SUPT3H: variants seen among roughly 807,000 people sequenced by gnomAD.
SUPT3H encodes transcription initiation protein SPT3 homolog.
SUPT3H carries 44 observed loss-of-function variants against 44.3 expected under a neutral mutation model. That is an observed-to-expected ratio of 0.99 (90% confidence interval 0.78 to 1.28). SUPT3H has a LOEUF of 1.28. Ranked by LOEUF, SUPT3H falls within the 50% of genes most tolerant of loss-of-function variation. The pLI is 0.00. For missense variants in SUPT3H, 380 were observed against 387.1 expected (o/e 0.98, Z 0.15); for synonymous variants, 124 against 125.6 (o/e 0.99, Z 0.09).
chr6:45,062,845 G>A (rs1182025308), intron 3 of SUPT3H, among the ~76,000 whole-genome samples: 1 of 152,084 alleles, frequency 6.6e-6, no homozygotes, highest in Non-Finnish European at 1.5e-5. Context: ...TAGCACAGCA[G>A]TCTGAGATCA....
At chr6:44,996,514 GCTCTGAGTGACCTTT>G (rs529752383) in intron 6 of SUPT3H, among the ~76,000 whole-genome samples, 207 of 151,706 alleles carry the variant, frequency 1.4e-3, no homozygotes, top group Non-Finnish European at 2.7e-3. Flanking sequence ...CCCAAACTGG[GCTCTGAGTGACCTTT>G]CAGAATATTT....
At chr6:45,289,350 A>T (rs945412636) in intron 2 of SUPT3H, among the ~76,000 whole-genome samples, 7 of 152,224 alleles carry the variant, frequency 4.6e-5, no homozygotes, top group African/African-American at 1.7e-4. Context: ...ACTGCTTCTC[A>T]CTCATTTTTG....
chr6:44,939,586 A>G (rs1413719549), intron 9 of SUPT3H, among the ~76,000 whole-genome samples: 3 of 152,040 alleles, frequency 2.0e-5, no homozygotes, highest in Non-Finnish European at 2.9e-5. Context: ...AGAATTATTT[A>G]TGGAGAATTC....
intron 2 of SUPT3H, among the ~76,000 whole-genome samples, chr6:45,203,775 T>C (rs1762774751): frequency 6.6e-6 from 1 of 152,198 alleles, no homozygotes; most frequent in Non-Finnish European, 1.5e-5. Flanking sequence ...AACCTATTTG[T>C]GCACTTTCTC....
Position 45,113,104 on chromosome 6 carries a change from G to GT in SUPT3H, c.102-7099dup, listed in dbSNP as rs11349771. ...GTAACTTGCTGTCCCCAAAAGAAAG[G>GT]TTTTTTTTTTTTCCGTTCAAAGCAT... On this transcript the variant is annotated intron_variant, in intron 2 of 10. Transcript: ENST00000371459. 6.0e-3 allele frequency among the ~76,000 whole-genome samples: 885 copies of GT among 148,252 alleles called. 2 individuals are homozygous for GT. Among genetic ancestry groups the GT allele is most frequent in the Non-Finnish European group, 7.5e-3 (500 of 66,726 alleles).
intron 2 of SUPT3H, among the ~76,000 whole-genome samples, chr6:45,194,745 GA>G (rs542882003): frequency 0.02 from 3,095 of 151,840 alleles, 43 homozygotes; most frequent in Non-Finnish European, 0.033. Flanking sequence ...CATTGCAATA[GA>G]AAAAAAATTA....
At chr6:45,360,000 T>C (rs1256359114) in intron 2 of SUPT3H, among the ~76,000 whole-genome samples, 1 of 152,222 alleles carries the variant, frequency 6.6e-6, no homozygotes, top group East Asian at 1.9e-4. Context: ...TGAAAAAACA[T>C]TTAGCTTTCA....
intron 10 of SUPT3H, among the ~76,000 whole-genome samples, chr6:44,904,864 C>T (rs1325906409): frequency 3.3e-5 from 5 of 152,072 alleles, no homozygotes; most frequent in African/African-American, 9.7e-5. Context: ...GAAATAATGC[C>T]ACATATCTAC....
intron 9 of SUPT3H, among the ~76,000 whole-genome samples, chr6:44,936,165 T>G (rs12190313): frequency 0.21 from 31,298 of 152,184 alleles, 3,918 homozygotes; most frequent in Non-Finnish European, 0.29. Flanking sequence ...ATTGTCTTTC[T>G]CCTGTTACAC....
chr6:45,161,947 A>T (rs574225005), intron 2 of SUPT3H, among the ~76,000 whole-genome samples: 14 of 152,266 alleles, frequency 9.2e-5, no homozygotes, highest in Admixed American at 3.3e-4. Context: ...AGTGTCTTAA[A>T]TGTAACACGT....
chr6:45,056,209 G>A (rs139025540), intron 3 of SUPT3H, among the ~76,000 whole-genome samples: 3 of 152,138 alleles, frequency 2.0e-5, no homozygotes, highest in African/African-American at 7.2e-5. Context: ...GTGGTGAAAA[G>A]GGAACACTTT....
At chr6:45,134,861 C>T (rs1338957655) in intron 2 of SUPT3H, among the ~76,000 whole-genome samples, 1 of 152,148 alleles carries the variant, frequency 6.6e-6, no homozygotes, top group African/African-American at 2.4e-5. Context: ...GGCCTTGTTC[C>T]CATGGCTCCA....
intron 2 of SUPT3H, among the ~76,000 whole-genome samples, chr6:45,229,485 C>T (rs572201642): frequency 6.6e-6 from 1 of 152,182 alleles, no homozygotes; most frequent in South Asian, 2.1e-4. Flanking sequence ...CTGGCATGAA[C>T]TGAGTACTTA....
At position 45,228,479 on chromosome 6, in the gene SUPT3H, G is replaced by A. The variant is rs566463963; in HGVS notation, c.102-122473C>T. ...ACATTGCCTTTTCCTGGTTATATAGGAGCTTCTAGCCTTCAGATTCAAATT... is the reference window on the plus strand; with the variant it reads ...ACATTGCCTTTTCCTGGTTATATAGAAGCTTCTAGCCTTCAGATTCAAATT... On this transcript the variant is annotated intron_variant, in intron 2 of 10. Coordinates refer to ENST00000371459, the MANE Select transcript of SUPT3H (RefSeq NM_003599.4). Among the ~76,000 whole-genome samples, 630 of 152,058 alleles carry A rather than the reference G, an allele frequency of 4.1e-3. 5 individuals are homozygous for A. The highest frequency in any genetic ancestry group is 0.015 in the African/African-American group (604 of 41,476).
At chr6:45,178,913 G>A (rs1812557261) in intron 2 of SUPT3H, among the ~76,000 whole-genome samples, 1 of 151,550 alleles carries the variant, frequency 6.6e-6, no homozygotes, top group Non-Finnish European at 1.5e-5. Context: ...CACATTCAAA[G>A]CAGTGTGTAG....
intron 10 of SUPT3H, among the ~76,000 whole-genome samples, chr6:44,870,855 AG>A (rs1336234436): frequency 6.6e-6 from 1 of 151,698 alleles, no homozygotes; most frequent in Admixed American, 6.6e-5. Context: ...GGGGTCAGGG[AG>A]TTCCCTTTCC....
At chr6:44,987,097 A>G (rs1006844341) in intron 6 of SUPT3H, among the ~76,000 whole-genome samples, 2 of 152,114 alleles carry the variant, frequency 1.3e-5, no homozygotes, top group African/African-American at 4.8e-5. Context: ...CCTGGCTTAC[A>G]GATAGCTGTC....
At chr6:45,250,515 G>A (rs1772181092) in intron 2 of SUPT3H, among the ~76,000 whole-genome samples, 1 of 151,628 alleles carries the variant, frequency 6.6e-6, no homozygotes, top group Admixed American at 6.6e-5. Flanking sequence ...AGTAACAAAT[G>A]GAAAACAGGA....
At chr6:45,108,881 C>CTA (rs1267184824) in intron 2 of SUPT3H, among the ~76,000 whole-genome samples, 2 of 152,060 alleles carry the variant, frequency 1.3e-5, no homozygotes, top group Admixed American at 6.5e-5. Flanking sequence ...AAAGAGAAAA[C>CTA]TACACGGTCC....
Sources: gnomAD v4.1 joint callset for allele counts (sites outside exome capture counted in the v4.1 genomes callset) on GRCh38, gnomAD v4.1.1 for gene constraint, MANE v1.5 for transcripts, NCBI Gene and HGNC (gene_info 2026-07-23, HGNC 2026-07-21) for gene names.